RASAL2: variants seen among roughly 807,000 people sequenced by gnomAD.
The protein encoded by RASAL2 is RAS protein activator like 2, also known as ras GTPase-activating protein nGAP.
Under a neutral mutation model 128.9 loss-of-function variants are expected in RASAL2, and 58 were observed. That is an observed-to-expected ratio of 0.45 (90% CI 0.36 to 0.56). The LOEUF is 0.56. RASAL2 is among the 20% of genes least tolerant of loss of function. The pLI is 0.00. For synonymous variants in RASAL2, 561 were observed against 580.8 expected (o/e 0.97, Z 0.49); for missense variants, 1,360 against 1,601.6 (o/e 0.85, Z 2.57).
chr1:178,127,565 C>T (rs1029027364), intron 1 of RASAL2, among the ~76,000 whole-genome samples: 2 of 151,834 alleles, frequency 1.3e-5, no homozygotes, highest in Non-Finnish European at 2.9e-5. Flanking sequence ...TTTTTGAAAC[C>T]CTGTATTTGA....
At chr1:178,216,015 C>T (rs1278330862) in intron 1 of RASAL2, among the ~76,000 whole-genome samples, 1 of 152,110 alleles carries the variant, frequency 6.6e-6, no homozygotes, top group Non-Finnish European at 1.5e-5. Context: ...TAAATAGTAG[C>T]TTAGAAGAGA....
chr1:178,138,956 TTGTC>T (rs575624177), intron 1 of RASAL2, among the ~76,000 whole-genome samples: 17 of 152,114 alleles, frequency 1.1e-4, no homozygotes, highest in South Asian at 6.2e-4. Flanking sequence ...ATAATACCCT[TTGTC>T]TGTGGACCAC....
intron 1 of RASAL2, among the ~76,000 whole-genome samples, chr1:178,242,768 C>A (rs1036887902): frequency 2.6e-5 from 4 of 152,168 alleles, no homozygotes; most frequent in Admixed American, 6.5e-5. Context: ...TACTCTGCCA[C>A]CCAGGCTGGA....
At chr1:178,420,847 T>C (rs951127853) in intron 5 of RASAL2, among the ~76,000 whole-genome samples, 3 of 152,166 alleles carry the variant, frequency 2.0e-5, no homozygotes, top group Admixed American at 2.0e-4. Context: ...TAAAAACTAA[T>C]TTCAGAGTCA....
chr1:178,365,129 A>G (rs758280576), intron 3 of RASAL2, among the ~76,000 whole-genome samples: 59 of 151,888 alleles, frequency 3.9e-4, no homozygotes, highest in Admixed American at 9.2e-4. Context: ...CTATGTATAT[A>G]TTAAATATTC....
chr1:178,387,361 AG>A (rs1672638204), intron 3 of RASAL2, among the ~76,000 whole-genome samples: 3 of 150,778 alleles, frequency 2.0e-5, no homozygotes, highest in African/African-American at 7.5e-5. Flanking sequence ...ATACAGAAAG[AG>A]AATTTTTTTT....
chr1:178,264,103 T>C (rs770512305), intron 1 of RASAL2, among the ~76,000 whole-genome samples: 1 of 152,234 alleles, frequency 6.6e-6, no homozygotes, highest in Non-Finnish European at 1.5e-5. Flanking sequence ...AAGGGAAAGA[T>C]TAAATACCTT....
At chr1:178,094,801 C>G in intron 1 of RASAL2, 107 bp downstream of exon 1, 1 of 1,310,382 alleles carries the variant, frequency 7.6e-7, no homozygotes, top group South Asian at 1.5e-5. Flanking sequence ...CGTGCTAGGT[C>G]AGTTTCCCAC....
chr1:178,424,561 A>G (rs1423532839), intron 5 of RASAL2, among the ~76,000 whole-genome samples: 1 of 152,144 alleles, frequency 6.6e-6, no homozygotes, highest in Non-Finnish European at 1.5e-5. Flanking sequence ...TCTCAAGCTT[A>G]CTTAATTCTC....
At chr1:178,428,381 T>G (rs904838019) in intron 5 of RASAL2, among the ~76,000 whole-genome samples, 3 of 151,966 alleles carry the variant, frequency 2.0e-5, no homozygotes, top group Non-Finnish European at 2.9e-5. Flanking sequence ...GCTGTGCCAT[T>G]TTACATCCTG....
At chr1:178,400,108 G>T (rs1057175625) in intron 4 of RASAL2, among the ~76,000 whole-genome samples, 2 of 152,060 alleles carry the variant, frequency 1.3e-5, no homozygotes, top group Non-Finnish European at 2.9e-5. Flanking sequence ...TCAGTCGCCC[G>T]CTGAAGGCTT....
intron 1 of RASAL2, among the ~76,000 whole-genome samples, chr1:178,262,791 A>C (rs887566391): frequency 1.4e-4 from 19 of 139,704 alleles, no homozygotes; most frequent in South Asian, 4.5e-4. Flanking sequence ...CCTGCCCCCC[A>C]CTCATTTTTT....
chr1:178,204,206 G>A (rs1405490688), intron 1 of RASAL2, among the ~76,000 whole-genome samples: 4 of 152,120 alleles, frequency 2.6e-5, no homozygotes, highest in African/African-American at 9.7e-5. Context: ...ATAACATTTG[G>A]GTTGGGGATT....
intron 1 of RASAL2, among the ~76,000 whole-genome samples, chr1:178,273,690 A>G (rs1346725686): frequency 1.3e-5 from 2 of 152,202 alleles, no homozygotes; most frequent in East Asian, 3.9e-4. Flanking sequence ...CTCCTGTTAC[A>G]TGAAAATTTG....
intron 3 of RASAL2, among the ~76,000 whole-genome samples, chr1:178,344,855 C>T (rs75888466): frequency 1.4e-3 from 206 of 152,218 alleles, no homozygotes; most frequent in African/African-American, 4.9e-3. Context: ...CATGACTCAG[C>T]GATATGAATT....
intron 1 of RASAL2, among the ~76,000 whole-genome samples, chr1:178,102,935 G>C (rs1005236700): frequency 5.3e-5 from 8 of 152,146 alleles, no homozygotes; most frequent in Admixed American, 4.6e-4. Context: ...CCTGCCATAA[G>C]TGGGATCCAA....
intron 3 of RASAL2, among the ~76,000 whole-genome samples, chr1:178,301,625 G>T (rs965557474): frequency 2.0e-5 from 3 of 151,920 alleles, no homozygotes; most frequent in African/African-American, 7.3e-5. Flanking sequence ...TAGAGACAGG[G>T]TTTCACCATG....
At chr1:178,242,252 GTAT>G (rs201202716) in intron 1 of RASAL2, among the ~76,000 whole-genome samples, 5,155 of 152,106 alleles carry the variant, frequency 0.034, 115 homozygotes, top group Non-Finnish European at 0.049. Context: ...GCTTCAATTA[GTAT>G]ATATGGTTTA....
chr1:178,279,485 A>G (rs1450302274), intron 1 of RASAL2, among the ~76,000 whole-genome samples: 1 of 152,072 alleles, frequency 6.6e-6, no homozygotes, highest in African/African-American at 2.4e-5. Flanking sequence ...CACTTTCTTC[A>G]TCTTGTTACA....
Sources: gnomAD v4.1 joint callset for allele counts (sites outside exome capture counted in the v4.1 genomes callset) on GRCh38, gnomAD v4.1.1 for gene constraint, MANE v1.5 for transcripts, NCBI Gene and HGNC (gene_info 2026-07-23, HGNC 2026-07-21) for gene names.